DISP1: variants seen among roughly 807,000 people sequenced by gnomAD.
DISP1 encodes the protein dispatched RND transporter family member 1, also known as protein dispatched homolog 1.
A neutral mutation model predicts 37.3 loss-of-function variants in DISP1; 30 were observed. The observed-to-expected ratio is 0.80, with a 90% CI of 0.60 to 1.09. DISP1 has a LOEUF of 1.09. Among genes scored for constraint, DISP1 ranks in the 50% least tolerant of loss-of-function variants. The pLI is 0.00. For synonymous variants in DISP1, 634 were observed against 690.2 expected (o/e 0.92, Z 1.28); for missense variants, 1,598 against 1,879.5 (o/e 0.85, Z 2.77).
chr1:222,979,569 A>G, intron 3 of DISP1: 1 of 470,594 alleles, frequency 2.1e-6, no homozygotes, highest in South Asian at 1.6e-5. Context: ...TGAAAAATCA[A>G]TGTGTAATTG....
chr1:222,941,880 G>C (rs1033090311), intron 2 of DISP1, among the ~76,000 whole-genome samples: 3 of 149,716 alleles, frequency 2.0e-5, no homozygotes, highest in African/African-American at 7.3e-5. Context: ...TGGCTTTTAT[G>C]TATATGTTGA....
In DISP1 at chr1:223,002,494, C is replaced by T. The variant is rs1383483613; in HGVS notation, c.1097C>T (p.Ser366Phe). The T allele has an allele frequency of 6.2e-7, 1 of 1,614,068 alleles. No individual in the cohort carries two copies. Among genetic ancestry groups the T allele is most frequent in the Non-Finnish European group, 8.5e-7 (1 of 1,180,048 alleles). ...ATCGCCATTCTGAACAATAGATCGT[C>T]CTGTCAGAAAATAGTTGAGCGAGAC... The part of the protein sequence containing the change: ...NYIAILNNRS[S>F]CQKIVERDVS... The change falls in exon 9 of 9, where the codon TCC (serine) becomes TTC (phenylalanine). Residue 366 changes from serine to phenylalanine, a missense_variant. Physicochemically the swap from Ser to Phe is radical, Grantham distance 155. Transcript: ENST00000675850.
At position 223,005,496 on chromosome 1, in the gene DISP1, GA is replaced by G. The variant is rs776640172; in HGVS notation, c.4105del (p.Ile1369LeufsTer13). On this transcript the variant is annotated frameshift_variant, in exon 9 of 9. Transcript: ENST00000675850. LOFTEE classifies it low-confidence loss of function (END_TRUNC). The part of the protein sequence containing the change: ...LHPVQHIQAQ[E>X]KIGKTNVHSL... Reference sequence around the variant, plus strand: ...CCCAGTGCAGCACATTCAGGCCCAAGAAAAAATTGGCAAGACCAATGTACAC... The same window carrying G: ...CCCAGTGCAGCACATTCAGGCCCAAGAAAAATTGGCAAGACCAATGTACAC... 3.1e-6 allele frequency: 5 copies of G among 1,613,906 alleles called. No individual in the cohort carries two copies. Among genetic ancestry groups the G allele is most frequent in the Admixed American group, 3.3e-5 (2 of 60,022 alleles).
Position 223,002,540 on chromosome 1 carries a change from G to T in DISP1, c.1143G>T (p.Leu381=). The T allele has an allele frequency of 6.2e-7, 1 of 1,614,176 alleles. No individual in the cohort carries two copies. The highest frequency in any genetic ancestry group is 2.2e-5 in the East Asian group (1 of 44,876). ...VERDVSHTLK[L]LRTCAKHYQN... is the part of the protein sequence containing the mutation. ...GAGACGTTTCTCATACCTTGAAGCT[G>T]CTTCGGACTTGTGCCAAACACTACC... The change falls in exon 9 of 9, where the codon CTG becomes CTT. Residue 381 remains leucine (L), a synonymous_variant. Coordinates refer to ENST00000675850, the MANE Select transcript of DISP1 (RefSeq NM_001377229.1).
At chr1:222,922,517 C>T (rs1672862129) in intron 1 of DISP1, among the ~76,000 whole-genome samples, 1 of 152,050 alleles carries the variant, frequency 6.6e-6, no homozygotes, top group Admixed American at 6.6e-5. Flanking sequence ...GCTCAGGATG[C>T]AGCACAGATC....
intron 3 of DISP1, among the ~76,000 whole-genome samples, chr1:222,955,428 A>G (rs1292633725): frequency 2.0e-5 from 3 of 152,048 alleles, no homozygotes; most frequent in Non-Finnish European, 4.4e-5. Context: ...TTAGGGTTTG[A>G]GTTATGATTT....
intron 1 of DISP1, among the ~76,000 whole-genome samples, chr1:222,821,296 T>G (rs1662822576): frequency 6.6e-6 from 1 of 152,202 alleles, no homozygotes. Context: ...TCCCTTCAGG[T>G]TTTGAGTAAA....
At chr1:222,849,318 A>G (rs1668096983) in intron 1 of DISP1, among the ~76,000 whole-genome samples, 1 of 152,230 alleles carries the variant, frequency 6.6e-6, no homozygotes, top group African/African-American at 2.4e-5. Context: ...TCAAGCATAC[A>G]TTCTATTTTT....
intron 2 of DISP1, among the ~76,000 whole-genome samples, chr1:222,933,007 A>C (rs1298363539): frequency 6.6e-6 from 1 of 151,930 alleles, no homozygotes; most frequent in Non-Finnish European, 1.5e-5. Flanking sequence ...AAAATGAGAA[A>C]AATGAAATTG....
intron 1 of DISP1, among the ~76,000 whole-genome samples, chr1:222,867,780 A>G (rs1669279677): frequency 6.6e-6 from 1 of 152,158 alleles, no homozygotes; most frequent in South Asian, 2.1e-4. Flanking sequence ...ACTGCCATAT[A>G]TGTCAATGTC....
intron 1 of DISP1, among the ~76,000 whole-genome samples, chr1:222,879,224 A>G (rs1670141709): frequency 6.6e-6 from 1 of 152,184 alleles, no homozygotes; most frequent in African/African-American, 2.4e-5. Flanking sequence ...TTCTCTGGCA[A>G]TGAGACACCT....
intron 3 of DISP1, 85 bp downstream of exon 3, chr1:222,943,417 G>A: frequency 1.9e-6 from 3 of 1,574,940 alleles, no homozygotes; most frequent in Non-Finnish European, 2.6e-6. Context: ...TGAAAGGAGA[G>A]GAGAAAAATG....
At chr1:222,984,661 AT>A (rs1475627468) in intron 4 of DISP1, among the ~76,000 whole-genome samples, 4 of 151,838 alleles carry the variant, frequency 2.6e-5, no homozygotes, top group African/African-American at 9.7e-5. Flanking sequence ...CCTTTTAACT[AT>A]TTTTAAGAGT....
Position 223,004,941 on chromosome 1 carries a change from G to C in DISP1, c.3544G>C (p.Gly1182Arg). The change falls in exon 9 of 9, where the codon GGC becomes CGC. Residue 1182 changes from glycine to arginine, a missense_variant. Gly to Arg is a moderately radical substitution (Grantham distance 125). Transcript: ENST00000675850. This position sits in a 1 kb window ranked among gnomAD's most constrained non-coding sequence, Gnocchi z 4.9. ...AAATGCTTATCATTTAGATCCCAGG[G>C]GCCCAAAATCTGAACTGGAGCATGA... ...TINAYHLDPR[G>R]PKSELEHEFY... 1 of 1,613,034 alleles carries C rather than the reference G, an allele frequency of 6.2e-7. No homozygotes were observed. Among genetic ancestry groups the C allele is most frequent in the Non-Finnish European group, 8.5e-7 (1 of 1,179,998 alleles).
intron 1 of DISP1, among the ~76,000 whole-genome samples, chr1:222,878,075 C>T (rs17163535): frequency 6.6e-6 from 1 of 152,110 alleles, no homozygotes; most frequent in East Asian, 1.9e-4. Flanking sequence ...CCATTGGAAG[C>T]CACTGACTAT....
intron 1 of DISP1, among the ~76,000 whole-genome samples, chr1:222,880,854 A>C (rs1238555418): frequency 6.6e-6 from 1 of 152,062 alleles, no homozygotes; most frequent in East Asian, 1.9e-4. Flanking sequence ...TGAGGCTAGG[A>C]GTTCAAGACC....
At chr1:222,907,333 G>A (rs74145595) in intron 1 of DISP1, among the ~76,000 whole-genome samples, 9,976 of 152,218 alleles carry the variant, frequency 0.066, 626 homozygotes, top group African/African-American at 0.16. Context: ...GGAGTAAAAC[G>A]GGGAAGAAAC....
chr1:222,988,073 G>T (rs1678404000), intron 4 of DISP1, among the ~76,000 whole-genome samples: 1 of 152,160 alleles, frequency 6.6e-6, no homozygotes, highest in Non-Finnish European at 1.5e-5. Flanking sequence ...GTTTACATTT[G>T]AACAACCACA....
chr1:222,952,789 G>A (rs1383572426), intron 3 of DISP1, among the ~76,000 whole-genome samples: 1 of 152,200 alleles, frequency 6.6e-6, no homozygotes, highest in Non-Finnish European at 1.5e-5. Context: ...GGTGGTTGCA[G>A]TGAGCCGAGA....
Sources: allele counts gnomAD v4.1 joint callset (sites outside exome capture counted in the v4.1 genomes callset), GRCh38; gene constraint gnomAD v4.1.1; non-coding constraint Gnocchi (gnomAD v3.1); transcripts MANE v1.5; gene names NCBI Gene and HGNC (gene_info 2026-07-23, HGNC 2026-07-21).